MYO1D: variants seen among roughly 807,000 people sequenced by gnomAD.
MYO1D encodes the protein unconventional myosin-Id.
In MYO1D, 83 loss-of-function variants were observed where a neutral mutation model predicts 122.0. That is an observed-to-expected ratio of 0.68 (90% CI 0.57 to 0.82). The LOEUF (loss-of-function observed/expected upper bound fraction) is 0.82. Ranked by LOEUF, MYO1D falls within the 40% of genes least tolerant of loss-of-function variation. The pLI is 0.00. For missense variants in MYO1D, 1,157 were observed against 1,269.5 expected (o/e 0.91, Z 1.35); for synonymous variants, 464 against 446.9 (o/e 1.04, Z -0.48).
At chr17:32,677,580 AATATATAT>A (rs10523328) in intron 16 of MYO1D, among the ~76,000 whole-genome samples, 1,562 of 135,776 alleles carry the variant, frequency 0.012, 25 homozygotes, top group African/African-American at 0.027. Context: ...TAGATAGATA[AATATATAT>A]ATATATATAT....
At chr17:32,524,325 A>G (rs1471233843) in intron 21 of MYO1D, among the ~76,000 whole-genome samples, 1 of 152,198 alleles carries the variant, frequency 6.6e-6, no homozygotes, top group Non-Finnish European at 1.5e-5. Context: ...TTAGTTTCAC[A>G]ACTAAAACAC....
chr17:32,517,540 A>G (rs748024628), intron 21 of MYO1D, among the ~76,000 whole-genome samples: 6 of 152,098 alleles, frequency 3.9e-5, no homozygotes, highest in Non-Finnish European at 5.9e-5. Flanking sequence ...TCAGGCTCCA[A>G]CCCCAGAGAC....
intron 21 of MYO1D, among the ~76,000 whole-genome samples, chr17:32,521,099 T>C (rs1361882721): frequency 6.6e-6 from 1 of 152,164 alleles, no homozygotes; most frequent in Non-Finnish European, 1.5e-5. Context: ...AACTGGGCCT[T>C]GAGAAAAGAT....
At chr17:32,811,878 T>C (rs944768346) in intron 1 of MYO1D, among the ~76,000 whole-genome samples, 7 of 152,102 alleles carry the variant, frequency 4.6e-5, no homozygotes, top group Non-Finnish European at 8.8e-5. Context: ...AGTTTTCATC[T>C]TGAGTTGAGG....
At chr17:32,534,922 A>G (rs1910616558) in intron 21 of MYO1D, among the ~76,000 whole-genome samples, 1 of 152,222 alleles carries the variant, frequency 6.6e-6, no homozygotes, top group South Asian at 2.1e-4. Flanking sequence ...GTGCCATTTT[A>G]GTCAATCTGT....
At chr17:32,617,754 T>A (rs1311068518) in intron 20 of MYO1D, among the ~76,000 whole-genome samples, 1 of 152,166 alleles carries the variant, frequency 6.6e-6, no homozygotes, top group African/African-American at 2.4e-5. Flanking sequence ...CTATTCTGAA[T>A]CACTGACCCA....
chr17:32,602,031 G>T (rs1431380101), intron 21 of MYO1D, among the ~76,000 whole-genome samples: 1 of 152,178 alleles, frequency 6.6e-6, no homozygotes, highest in Non-Finnish European at 1.5e-5. Flanking sequence ...AACTCATGGT[G>T]ATGAGGAAAA....
chr17:32,669,341 T>C (rs1449962620), intron 16 of MYO1D, among the ~76,000 whole-genome samples: 1 of 152,212 alleles, frequency 6.6e-6, no homozygotes, highest in African/African-American at 2.4e-5. Flanking sequence ...CTTACTAAAA[T>C]AGCCTTTATC....
At position 32,803,393 on chromosome 17, in the gene MYO1D, G is replaced by A. The variant is rs549078728; in HGVS notation, c.96-22609C>T. Among the ~76,000 whole-genome samples, 14 of 152,100 alleles carry A rather than the reference G, an allele frequency of 9.2e-5. No homozygotes were observed. In the East Asian group the frequency reaches 1.9e-3, roughly 21 times the overall value. ...GATCTCCTGACCTCCTGATCTGCCC[G>A]CCTCGTCCTCCCAAAGTGCTGGGAT... On this transcript the variant is annotated intron_variant, in intron 1 of 21. Transcript: ENST00000318217.
At chr17:32,544,050 C>G (rs984866491) in intron 21 of MYO1D, among the ~76,000 whole-genome samples, 2 of 151,960 alleles carry the variant, frequency 1.3e-5, no homozygotes, top group African/African-American at 4.8e-5. Context: ...GCCTTGGCCT[C>G]CCAAAGTGCT....
intron 21 of MYO1D, among the ~76,000 whole-genome samples, chr17:32,555,738 C>A (rs947879037): frequency 6.6e-6 from 1 of 152,204 alleles, no homozygotes; most frequent in Non-Finnish European, 1.5e-5. Flanking sequence ...AATAGCCACA[C>A]CCCTCCTCAC....
chr17:32,584,680 G>C (rs1392578538), intron 21 of MYO1D, among the ~76,000 whole-genome samples: 1 of 151,936 alleles, frequency 6.6e-6, no homozygotes, highest in African/African-American at 2.4e-5. Flanking sequence ...TTTTTGAAGA[G>C]ACAAGAGTCT....
chr17:32,632,939 G>GAA (rs1368463276), intron 20 of MYO1D, among the ~76,000 whole-genome samples: 1 of 151,966 alleles, frequency 6.6e-6, no homozygotes, highest in Non-Finnish European at 1.5e-5. Context: ...GAGCAATGGA[G>GAA]AAAAATGATC....
Position 32,654,537 on chromosome 17 carries a change from C to T in MYO1D, c.2430G>A (p.Leu810=). The T allele has an allele frequency of 4.3e-6, 7 of 1,614,146 alleles. No homozygotes were observed. Among genetic ancestry groups the T allele is most frequent in the Non-Finnish European group, 5.9e-6 (7 of 1,180,016 alleles). Residue 810 remains leucine (L), a synonymous_variant, in exon 18 of 22, where the codon TTG becomes TTA. Coordinates refer to ENST00000318217, the MANE Select transcript of MYO1D (RefSeq NM_015194.3). ...VRAKVAAVEM[L]KGQRADLGLQ... ...GCCCGAGGTCAGCCCTTTGACCCTT[C>T]AACATTTCCACGGCTGCAACCTTTG...
chr17:32,728,210 AT>A (rs34100497), intron 14 of MYO1D, among the ~76,000 whole-genome samples: 1,512 of 144,424 alleles, frequency 0.01, 14 homozygotes, highest in African/African-American at 0.031. Flanking sequence ...ATTGAATGCA[AT>A]TTTTTTTTTT....
chr17:32,659,977 A>G (rs532232981), intron 16 of MYO1D, among the ~76,000 whole-genome samples: 1 of 152,356 alleles, frequency 6.6e-6, no homozygotes, highest in South Asian at 2.1e-4. Context: ...CAAGCATGGT[A>G]AAGTCAGAGA....
At chr17:32,722,791 G>A (rs1043352314) in intron 14 of MYO1D, among the ~76,000 whole-genome samples, 1 of 152,132 alleles carries the variant, frequency 6.6e-6, no homozygotes, top group African/African-American at 2.4e-5. Context: ...CCTGGTTTCT[G>A]GCATAGCGCT....
At chr17:32,700,943 C>CAAA (rs751113475) in intron 16 of MYO1D, among the ~76,000 whole-genome samples, 13 of 78,190 alleles carry the variant, frequency 1.7e-4, no homozygotes, top group Non-Finnish European at 2.4e-4. Flanking sequence ...GACTCCATCT[C>CAAA]AAAAAAAAAA....
At chr17:32,528,473 A>G (rs960885081) in intron 21 of MYO1D, among the ~76,000 whole-genome samples, 2 of 151,658 alleles carry the variant, frequency 1.3e-5, no homozygotes, top group Non-Finnish European at 2.9e-5. Context: ...GTGTGTGTGT[A>G]TGTGTGTCGG....
Sources: allele counts gnomAD v4.1 joint callset (sites outside exome capture counted in the v4.1 genomes callset), GRCh38; gene constraint gnomAD v4.1.1; transcripts MANE v1.5; gene names NCBI Gene and HGNC (gene_info 2026-07-23, HGNC 2026-07-21).